Variants in ZCWPW2 observed in about 807,000 individuals in gnomAD.
The protein encoded by ZCWPW2 is zinc finger CW-type and PWWP domain containing 2.
ZCWPW2 carries 45 observed loss-of-function variants against 46.6 expected under a neutral mutation model. The ratio of observed to expected loss-of-function variants is 0.96; its 90% CI spans 0.76 to 1.24. The LOEUF (loss-of-function observed/expected upper bound fraction) is 1.24. Among genes scored for constraint, ZCWPW2 ranks in the 50% most tolerant of loss-of-function variants. The pLI, the probability that ZCWPW2 is intolerant of heterozygous loss-of-function variation, is 0.00. For missense variants in ZCWPW2, 429 were observed against 403.9 expected (o/e 1.06, Z -0.53); for synonymous variants, 152 against 137.1 (o/e 1.11, Z -0.76).
At chr3:28,457,978 A>G (rs1357298844) in intron 4 of ZCWPW2, among the ~76,000 whole-genome samples, 2 of 152,136 alleles carry the variant, frequency 1.3e-5, no homozygotes, top group Admixed American at 6.5e-5. Flanking sequence ...TTTTTTTCCT[A>G]AGCAATATAA....
At chr3:28,488,341 C>T (rs529162681) in intron 5 of ZCWPW2, among the ~76,000 whole-genome samples, 3 of 152,268 alleles carry the variant, frequency 2.0e-5, no homozygotes, top group African/African-American at 7.2e-5. Context: ...TCCAAAGGAT[C>T]TAAGAAGAGT....
At chr3:28,435,629 G>C (rs150031271) in intron 4 of ZCWPW2, among the ~76,000 whole-genome samples, 2 of 151,852 alleles carry the variant, frequency 1.3e-5, no homozygotes, top group East Asian at 3.9e-4. Flanking sequence ...GGGACTACAG[G>C]TGCCCGCCAC....
At chr3:28,433,667 A>C (rs1055705302) in intron 3 of ZCWPW2, among the ~76,000 whole-genome samples, 1 of 151,888 alleles carries the variant, frequency 6.6e-6, no homozygotes, top group Non-Finnish European at 1.5e-5. Context: ...GAGGCTGGAG[A>C]ATTGCTTGAA....
chr3:28,435,169 A>T lies in ZCWPW2; in HGVS notation c.392A>T (p.Asp131Val), dbSNP rs1322045834. ...FKGKYVTYDPDGNVEEYHIEF... is the reference protein window; with the variant it reads ...FKGKYVTYDPVGNVEEYHIEF... ...GGGAAATATGTAACTTATGACCCGG[A>T]TGGAAATGTTGAAGAGTATCACATA... The change falls in exon 4 of 10, where the codon GAT becomes GTT. Residue 131 changes from aspartate (D) to valine (V), a missense_variant. Transcript: ENST00000383768. The T allele has an allele frequency of 6.2e-7, 1 of 1,613,714 alleles. No individual in the cohort carries two copies.
rs1313298267 is a variant in ZCWPW2 at position 28,411,665 on chromosome 3, G to A, written c.-13-1391G>A. 2.6e-5 allele frequency among the ~76,000 whole-genome samples: 4 copies of A among 152,054 alleles called. No individual in the cohort carries two copies. In the East Asian group the frequency reaches 5.8e-4, roughly 22 times the overall value. Reference sequence around the variant, plus strand: ...AACCTGGCTCCAAAGTCTAACCTCAGTCACTTCTGCTTTACTGACTGGTGA... The same window carrying A: ...AACCTGGCTCCAAAGTCTAACCTCAATCACTTCTGCTTTACTGACTGGTGA... On this transcript the variant is annotated intron_variant, in intron 2 of 9. Transcript: ENST00000383768.
chr3:28,523,512 G>A (rs943065598), intron 9 of ZCWPW2, among the ~76,000 whole-genome samples: 1 of 152,182 alleles, frequency 6.6e-6, no homozygotes, highest in Middle Eastern at 3.4e-3. Context: ...TATAAGTTAA[G>A]TACTCCAAAG....
At chr3:28,351,831 A>G (rs1704564057) in intron 1 of ZCWPW2, among the ~76,000 whole-genome samples, 1 of 152,048 alleles carries the variant, frequency 6.6e-6, no homozygotes, top group African/African-American at 2.4e-5. Context: ...AATACCACTA[A>G]ATTGAAATGG....
chr3:28,498,651 C>CTT (rs35895836), intron 6 of ZCWPW2, among the ~76,000 whole-genome samples: 52 of 145,162 alleles, frequency 3.6e-4, no homozygotes, highest in Middle Eastern at 3.5e-3. Context: ...TTAGCTATGC[C>CTT]TTTTTTTTTT....
intron 4 of ZCWPW2, among the ~76,000 whole-genome samples, chr3:28,448,267 A>G (rs1275356091): frequency 1.3e-5 from 2 of 152,170 alleles, no homozygotes; most frequent in African/African-American, 2.4e-5. Context: ...CAAATACAAC[A>G]AAGAAATTCA....
At chr3:28,427,301 A>G (rs1203749901) in intron 3 of ZCWPW2, among the ~76,000 whole-genome samples, 1 of 152,226 alleles carries the variant, frequency 6.6e-6, no homozygotes, top group Non-Finnish European at 1.5e-5. Flanking sequence ...GTAAGGGCAA[A>G]AAGTGGACAT....
chr3:28,422,924 GT>G (rs2125749758), intron 3 of ZCWPW2, among the ~76,000 whole-genome samples: 1 of 152,148 alleles, frequency 6.6e-6, no homozygotes, highest in Non-Finnish European at 1.5e-5. Context: ...GTATTTCATT[GT>G]TTTAGTTTGT....
At chr3:28,411,330 A>G (rs981791764) in intron 2 of ZCWPW2, among the ~76,000 whole-genome samples, 1 of 152,116 alleles carries the variant, frequency 6.6e-6, no homozygotes, top group African/African-American at 2.4e-5. Flanking sequence ...ACACCACATT[A>G]TGATTAATAT....
intron 1 of ZCWPW2, among the ~76,000 whole-genome samples, chr3:28,368,906 AT>A (rs1337837453): frequency 1.6e-4 from 24 of 152,152 alleles, no homozygotes; most frequent in Middle Eastern, 3.4e-3. Context: ...CCTTTCATTC[AT>A]TTGATCTTCC....
chr3:28,371,725 AGT>A (rs1345135730), intron 1 of ZCWPW2, among the ~76,000 whole-genome samples: 1 of 152,148 alleles, frequency 6.6e-6, no homozygotes, highest in Non-Finnish European at 1.5e-5. Context: ...AAGGACTCTC[AGT>A]AAACTAACTT....
intron 5 of ZCWPW2, among the ~76,000 whole-genome samples, chr3:28,487,151 T>C (rs1699627852): frequency 6.6e-6 from 1 of 152,146 alleles, no homozygotes; most frequent in South Asian, 2.1e-4. Context: ...GCATCTGATA[T>C]TAATTTGGGG....
chr3:28,351,967 A>C (rs541432350), intron 1 of ZCWPW2, among the ~76,000 whole-genome samples: 38 of 152,280 alleles, frequency 2.5e-4, no homozygotes, highest in Non-Finnish European at 5.0e-4. Context: ...GTATGAGAAT[A>C]GTTTTAGTGG....
At chr3:28,351,260 A>G (rs1466881262) in intron 1 of ZCWPW2, among the ~76,000 whole-genome samples, 2 of 148,978 alleles carry the variant, frequency 1.3e-5, no homozygotes, top group Non-Finnish European at 3.0e-5. Flanking sequence ...AAATATATAT[A>G]TATACATATA....
intron 4 of ZCWPW2, among the ~76,000 whole-genome samples, chr3:28,460,367 A>G (rs1189659382): frequency 1.3e-5 from 2 of 151,602 alleles, no homozygotes; most frequent in Non-Finnish European, 2.9e-5. Flanking sequence ...CAAAATTACT[A>G]TTTGTGTCTG....
chr3:28,355,347 A>G (rs143207182), intron 1 of ZCWPW2, among the ~76,000 whole-genome samples: 548 of 152,288 alleles, frequency 3.6e-3, no homozygotes, highest in Non-Finnish European at 6.3e-3. Context: ...ACAAAATAAA[A>G]GAGGACGCAA....
Sources: gnomAD v4.1 joint callset for allele counts (sites outside exome capture counted in the v4.1 genomes callset) on GRCh38, gnomAD v4.1.1 for gene constraint, MANE v1.5 for transcripts, NCBI Gene and HGNC (gene_info 2026-07-23, HGNC 2026-07-21) for gene names.